SMC3: variants seen among roughly 807,000 people sequenced by gnomAD.
SMC3 encodes structural maintenance of chromosomes 3.
Under a neutral mutation model 171.8 loss-of-function variants are expected in SMC3, and 20 were observed. The ratio of observed to expected loss-of-function variants is 0.12; its 90% confidence interval spans 0.08 to 0.17. The LOEUF (loss-of-function observed/expected upper bound fraction) is 0.17. Ranked by LOEUF, SMC3 falls within the 10% of genes least tolerant of loss-of-function variation. SMC3 has a pLI of 1.00. For missense variants in SMC3, 543 were observed against 1,420.4 expected (o/e 0.38, Z 9.93); for synonymous variants, 464 against 451.1 (o/e 1.03, Z -0.36).
intron 6 of SMC3, 104 bp downstream of exon 6, chr10:110,578,018 TC>T: frequency 1.3e-6 from 1 of 769,236 alleles, no homozygotes; most frequent in South Asian, 1.4e-5. Context: ...CCTCAAATGA[TC>T]CACCTCGGCT....
chr10:110,567,901 G>C lies in SMC3; in HGVS notation c.15+70G>C, dbSNP rs1860798435. On this transcript the variant is annotated intron_variant, in intron 1 of 28. Transcript: ENST00000361804. The stretch of plus-strand genomic sequence containing the variant: ...CCGCTCCTTGAGGCGGGAGTGTTGC[G>C]GCGCCACCCGCAGCCTCTCCCCTGT... 7 of 1,502,576 alleles carry C rather than the reference G, an allele frequency of 4.7e-6. No individual in the cohort carries two copies. The South Asian group carries it at 8.1e-5, about 17-fold the overall frequency. The allele number at this position is 1,502,576 out of a possible 1,614,324, so 93.1% of individuals were successfully genotyped here.
intron 15 of SMC3, 150 bp from the exon 16 acceptor site, chr10:110,590,262 A>G: frequency 2.8e-6 from 2 of 727,258 alleles, no homozygotes; most frequent in Non-Finnish European, 4.7e-6. Flanking sequence ...TGTAGTTGGC[A>G]TATTGTGAGG....
At chr10:110,579,754 C>T (rs903280949) in intron 7 of SMC3, among the ~76,000 whole-genome samples, 1 of 152,056 alleles carries the variant, frequency 6.6e-6, no homozygotes, top group Non-Finnish European at 1.5e-5. Context: ...ATTGCATGAA[C>T]CAATATGTAT....
intron 3 of SMC3, 138 bp from the exon 4 acceptor site, chr10:110,575,198 C>T (rs1008613569): frequency 3.0e-6 from 2 of 673,668 alleles, no homozygotes; most frequent in Admixed American, 2.3e-5. Context: ...TCTGCATTTC[C>T]TTTTGTCCAT....
At chr10:110,569,752 A>G (rs1019723294) in intron 2 of SMC3, among the ~76,000 whole-genome samples, 6 of 152,186 alleles carry the variant, frequency 3.9e-5, no homozygotes, top group African/African-American at 1.4e-4. Context: ...TAAATGAGAA[A>G]CCTTATGTAA....
At chr10:110,585,990 G>A (rs910863492) in intron 13 of SMC3, among the ~76,000 whole-genome samples, 9 of 152,056 alleles carry the variant, frequency 5.9e-5, no homozygotes, top group Admixed American at 3.3e-4. Flanking sequence ...GTAGAATGGC[G>A]TTTCACTGTG....
chr10:110,602,445 T>C (rs749187909), intron 25 of SMC3, 29 bp from the exon 26 acceptor site: 2 of 1,577,578 alleles, frequency 1.3e-6, no homozygotes, highest in South Asian at 1.1e-5. Flanking sequence ...CTAAGCAAAA[T>C]TTATATTTCA....
chr10:110,596,099 G>A (rs1180206892), intron 18 of SMC3, among the ~76,000 whole-genome samples: 1 of 151,256 alleles, frequency 6.6e-6, no homozygotes, highest in African/African-American at 2.4e-5. Flanking sequence ...GTGCACACCT[G>A]TAGTCCTAGC....
chr10:110,577,436 C>T lies in SMC3; in HGVS notation c.214C>T (p.Arg72Cys). ...TCATTTTTAGGAAGGTACTGGTCCT[C>T]GTGTTATTTCTGCTTTTGTGGAGAT... The part of the protein sequence containing the change: ...LALLHEGTGP[R>C]VISAFVEIIF... The change falls in exon 5 of 29, where the codon CGT becomes TGT. Residue 72 changes from arginine to cysteine, a missense_variant. Physicochemically the swap from Arg to Cys is radical, Grantham distance 180. Around this residue, in one of 8 missense-constraint regions of SMC3, gnomAD observed 146 missense variants for 437.9 expected, o/e 0.33. Coordinates refer to ENST00000361804, the MANE Select transcript of SMC3 (RefSeq NM_005445.4). The T allele has an allele frequency of 6.2e-7, 1 of 1,612,528 alleles. No homozygotes were observed. The highest frequency in any genetic ancestry group is 8.5e-7 in the Non-Finnish European group (1 of 1,178,818).
At chr10:110,577,393 G>A (rs751632513) in intron 4 of SMC3, 28 bp from the exon 5 acceptor site, 1 of 1,543,976 alleles carries the variant, frequency 6.5e-7, no homozygotes, top group Admixed American at 1.7e-5. Context: ...AACTTAAATG[G>A]CAAATTTCTC....
At chr10:110,587,393 T>C (rs1247780471) in intron 13 of SMC3, among the ~76,000 whole-genome samples, 6 of 152,174 alleles carry the variant, frequency 3.9e-5, no homozygotes, top group African/African-American at 1.2e-4. Context: ...TAAGAAATAC[T>C]GTAAGCTGCC....
Position 110,589,201 on chromosome 10 carries a change from A to G in SMC3, c.1306-404A>G, listed in dbSNP as rs932835986. ...TCAGGAGATCGAGACCATCCTGGCT[A>G]ACACGGTGAAACTCCGTCTCTACTA... On this transcript the variant is annotated intron_variant, in intron 13 of 28. Transcript: ENST00000361804. 5.9e-5 allele frequency among the ~76,000 whole-genome samples: 9 copies of G among 152,272 alleles called. 1 individual carries two copies. The South Asian group carries it at 1.9e-3, about 32-fold the overall frequency.
Position 110,592,818 on chromosome 10 carries a change from G to A in SMC3, c.1813-255G>A, listed in dbSNP as rs542173271. Among the ~76,000 whole-genome samples, 4 of 152,122 alleles carry A rather than the reference G, an allele frequency of 2.6e-5. No individual in the cohort carries two copies. In the South Asian group the frequency reaches 6.2e-4, roughly 24 times the overall value. On this transcript the variant is annotated intron_variant, in intron 17 of 28. Coordinates refer to ENST00000361804, the MANE Select transcript of SMC3 (RefSeq NM_005445.4). ...AATGGTGAAACGAGTGTTTGAATTT[G>A]GGCAGTCTAGCTTCAGAACCACTAA...
intron 12 of SMC3, 87 bp from the exon 13 acceptor site, chr10:110,584,096 T>C: frequency 2.0e-6 from 3 of 1,512,978 alleles, no homozygotes; most frequent in South Asian, 2.3e-5. Flanking sequence ...AATGGCTTTA[T>C]GTTTCTGTGT....
In SMC3 at chr10:110,573,753, T is replaced by C; in HGVS notation, c.130+8T>C. On this transcript the variant is annotated splice_region_variant and intron_variant, in intron 3 of 28. Coordinates refer to ENST00000361804, the MANE Select transcript of SMC3 (RefSeq NM_005445.4). ...AAAGTAACTTTTTTTATGGTAGGTGTTGCTTTTTGAATTGTAAATATATTA... is the reference window on the plus strand; with the variant it reads ...AAAGTAACTTTTTTTATGGTAGGTGCTGCTTTTTGAATTGTAAATATATTA... The C allele has an allele frequency of 6.3e-7, 1 of 1,581,780 alleles. No homozygotes were observed. Among genetic ancestry groups the C allele is most frequent in the East Asian group, 2.2e-5 (1 of 44,602 alleles).
intron 13 of SMC3, among the ~76,000 whole-genome samples, chr10:110,587,219 C>T (rs966665108): frequency 2.0e-5 from 3 of 152,168 alleles, no homozygotes; most frequent in African/African-American, 7.2e-5. Context: ...TAAATGTTTT[C>T]TCTTTTCCAG....
At chr10:110,588,656 C>G (rs1393864030) in intron 13 of SMC3, among the ~76,000 whole-genome samples, 2 of 152,162 alleles carry the variant, frequency 1.3e-5, no homozygotes, top group African/African-American at 4.8e-5. Flanking sequence ...GTTTTGGTAA[C>G]TTCACTAAGT....
intron 18 of SMC3, among the ~76,000 whole-genome samples, chr10:110,594,324 AAAT>A (rs1323032401): frequency 1.3e-5 from 2 of 151,884 alleles, no homozygotes; most frequent in Admixed American, 6.5e-5. Context: ...TTATTTTAAA[AAAT>A]ATTATATAAT....
chr10:110,596,390 G>A lies in SMC3; in HGVS notation c.1964-8G>A. ...TGTACAGACCTATTACATATGTTTT[G>A]TTTATAGGTGACCAAGTCAGCCATC... On this transcript the variant is annotated splice_polypyrimidine_tract_variant and splice_region_variant and intron_variant, in intron 18 of 28. Coordinates refer to ENST00000361804, the MANE Select transcript of SMC3 (RefSeq NM_005445.4). 1.2e-6 allele frequency: 2 copies of A among 1,613,188 alleles called. No individual in the cohort carries two copies. The highest frequency in any genetic ancestry group is 1.7e-6 in the Non-Finnish European group (2 of 1,179,538).
Sources: gnomAD v4.1 joint callset for allele counts (sites outside exome capture counted in the v4.1 genomes callset) on GRCh38, gnomAD v4.1.1 for gene constraint, gnomAD v4.1.1 regional missense constraint, MANE v1.5 for transcripts, NCBI Gene and HGNC (gene_info 2026-07-23, HGNC 2026-07-21) for gene names.